KIF13A: variants seen among roughly 807,000 people sequenced by gnomAD.
KIF13A encodes kinesin-like protein KIF13A.
In KIF13A, 79 loss-of-function variants were observed where a neutral mutation model predicts 212.2. The observed-to-expected ratio is 0.37, with a 90% CI of 0.31 to 0.45. The LOEUF is 0.45. Ranked by LOEUF, KIF13A falls within the 20% of genes least tolerant of loss-of-function variation. The pLI, the probability that KIF13A is intolerant of heterozygous loss-of-function variation, is 1.00. For missense variants in KIF13A, 1,901 were observed against 2,209.0 expected (o/e 0.86, Z 2.79); for synonymous variants, 789 against 808.6 (o/e 0.98, Z 0.41).
intron 2 of KIF13A, among the ~76,000 whole-genome samples, chr6:17,908,351 G>C (rs1324771765): frequency 6.6e-6 from 1 of 152,172 alleles, no homozygotes; most frequent in East Asian, 1.9e-4. Flanking sequence ...TATAATACCA[G>C]CACTCTGGGA....
intron 4 of KIF13A, among the ~76,000 whole-genome samples, chr6:17,860,309 C>T (rs1380340628): frequency 6.6e-6 from 1 of 152,098 alleles, no homozygotes; most frequent in Non-Finnish European, 1.5e-5. Flanking sequence ...CTGCCTCAGC[C>T]TCCTAAGTAG....
chr6:17,852,022 A>G lies in KIF13A; in HGVS notation c.515T>C (p.Val172Ala), dbSNP rs1276991766. 1 of 1,544,554 alleles carries G rather than the reference A, an allele frequency of 6.5e-7. No homozygotes were observed. Among genetic ancestry groups the G allele is most frequent in the Non-Finnish European group, 8.7e-7 (1 of 1,146,664 alleles). ...TGGTCCCAAAACTTTATGTTCTCGA[A>G]CTTTAAGAGACTGTCTACTCCTGCG... ...DPKGSRQSLKVREHKVLGPYV... is the reference protein window; with the variant it reads ...DPKGSRQSLKAREHKVLGPYV... Residue 172 changes from valine to alanine, a missense_variant, in exon 7 of 39, where the codon GTT (valine) becomes GCT (alanine). Val to Ala is a moderately conservative substitution (Grantham distance 64). Coordinates refer to ENST00000259711, the MANE Select transcript of KIF13A (RefSeq NM_022113.6).
At chr6:17,790,771 C>A (rs1761464908) in intron 25 of KIF13A, among the ~76,000 whole-genome samples, 1 of 152,184 alleles carries the variant, frequency 6.6e-6, no homozygotes, top group Admixed American at 6.5e-5. Context: ...AGGCTATATA[C>A]ATACAAGGGT....
At position 17,967,660 on chromosome 6, in the gene KIF13A, C is replaced by T. The variant is rs1162763184; in HGVS notation, c.146+19394G>A. 1.3e-5 allele frequency among the ~76,000 whole-genome samples: 2 copies of T among 152,124 alleles called. No homozygotes were observed. The highest frequency in any genetic ancestry group is 4.8e-5 in the African/African-American group (2 of 41,424). The stretch of plus-strand genomic sequence containing the variant: ...CAACAACTTTGTATAAGCTGCTCCC[C>T]ATCTTTTACTCTCCAAAGGAAAGAC... On this transcript the variant is annotated intron_variant, in intron 2 of 38. Coordinates refer to ENST00000259711, the MANE Select transcript of KIF13A (RefSeq NM_022113.6). The surrounding 1 kb of genome is among the most constrained non-coding windows in gnomAD (Gnocchi z 4.1).
rs1411891068 is a variant in KIF13A at position 17,934,718 on chromosome 6, G to A, written c.147-36538C>T. 6.6e-6 allele frequency among the ~76,000 whole-genome samples: 1 copy of A among 151,668 alleles called. No homozygotes were observed. Among genetic ancestry groups the A allele is most frequent in the Non-Finnish European group, 1.5e-5 (1 of 67,954 alleles). On this transcript the variant is annotated intron_variant, in intron 2 of 38. Coordinates refer to ENST00000259711, the MANE Select transcript of KIF13A (RefSeq NM_022113.6). The surrounding 1 kb of genome is among the most constrained non-coding windows in gnomAD (Gnocchi z 5.4). Reference sequence around the variant, plus strand: ...TGGGAGGATCGCTTGAGCCCAGGAGGTAGAGGCTGTGGTGAGCCATGACTG... The same window carrying A: ...TGGGAGGATCGCTTGAGCCCAGGAGATAGAGGCTGTGGTGAGCCATGACTG...
At position 17,971,298 on chromosome 6, in the gene KIF13A, T is replaced by C. The variant is rs1057265198; in HGVS notation, c.146+15756A>G. ...AATTTCCAGGAAAAGAGATAATTAA[T>C]GTGATCACTTCACAAAATTAAATGT... is the stretch of plus-strand genomic sequence containing the variant. On this transcript the variant is annotated intron_variant, in intron 2 of 38. Transcript: ENST00000259711. The surrounding 1 kb of genome is among the most constrained non-coding windows in gnomAD (Gnocchi z 4.2). 9.2e-5 allele frequency among the ~76,000 whole-genome samples: 14 copies of C among 152,218 alleles called. No homozygotes were observed. Among genetic ancestry groups the C allele is most frequent in the Non-Finnish European group, 1.6e-4 (11 of 68,032 alleles).
Position 17,855,888 on chromosome 6 carries a change from T to C in KIF13A, c.313+142A>G. 2 of 659,032 alleles carry C rather than the reference T, an allele frequency of 3.0e-6. No homozygotes were observed. The highest frequency in any genetic ancestry group is 5.3e-6 in the Non-Finnish European group (2 of 376,936). The allele number at this position is 659,032 out of a possible 1,614,324, so 40.8% of individuals were successfully genotyped here. ...CACCACGCTGGGCTAATGTTTTTAG[T>C]TTTTATAAAGACGGGTCTTACTATG... On this transcript the variant is annotated intron_variant, in intron 5 of 38. Transcript: ENST00000259711. The surrounding 1 kb of genome is among the most constrained non-coding windows in gnomAD (Gnocchi z 4.1).
chr6:17,812,513 G>A (rs1361735639), intron 17 of KIF13A: 1 of 152,136 alleles, frequency 6.6e-6, no homozygotes, highest in Non-Finnish European at 1.5e-5. Context: ...ACACGATCTT[G>A]TTGTTTTTCA....
chr6:17,853,796 T>G (rs911077472), intron 6 of KIF13A, among the ~76,000 whole-genome samples: 1 of 152,290 alleles, frequency 6.6e-6, no homozygotes, highest in Admixed American at 6.5e-5. Flanking sequence ...AGGAAGAGAA[T>G]GCTAAACACA....
At position 17,781,224 on chromosome 6, in the gene KIF13A, C is replaced by A. The variant is rs988950601; in HGVS notation, c.3622G>T (p.Gly1208Cys). 6.2e-7 allele frequency: 1 copy of A among 1,613,890 alleles called. No individual in the cohort carries two copies. ...GVNSILPKEH[G>C]SQFFYLPIIK... ...ATGGGCAGGTAGAAAAACTGGCTGCCATGCTCCTTGGGCAGGATGGAGTTC... is the reference window on the plus strand; with the variant it reads ...ATGGGCAGGTAGAAAAACTGGCTGCAATGCTCCTTGGGCAGGATGGAGTTC... The change falls in exon 30 of 39, where the codon GGC (glycine) becomes TGC (cysteine). Residue 1208 changes from glycine to cysteine, a missense_variant. This residue lies in a region of KIF13A where 687 missense variants were observed against 759.1 expected (regional missense o/e 0.90). Coordinates refer to ENST00000259711, the MANE Select transcript of KIF13A (RefSeq NM_022113.6).
At chr6:17,949,019 T>G (rs1777648389) in intron 2 of KIF13A, among the ~76,000 whole-genome samples, 2 of 152,146 alleles carry the variant, frequency 1.3e-5, no homozygotes, top group Admixed American at 1.3e-4. Context: ...ATATTCAATA[T>G]GAATACACAT....
chr6:17,782,123 G>T (rs1336874595), intron 29 of KIF13A, among the ~76,000 whole-genome samples: 1 of 151,540 alleles, frequency 6.6e-6, no homozygotes, highest in Non-Finnish European at 1.5e-5. Context: ...TTTTAGTACA[G>T]ACGGGGTTTC....
At chr6:17,955,388 G>C (rs1300498686) in intron 2 of KIF13A, among the ~76,000 whole-genome samples, 1 of 152,144 alleles carries the variant, frequency 6.6e-6, no homozygotes, top group Non-Finnish European at 1.5e-5. Context: ...TTTGTGAAGT[G>C]CTCCCTTGAG....
chr6:17,804,598 A>T (rs1762770272), intron 19 of KIF13A, 88 bp from the exon 20 acceptor site: 2 of 1,221,178 alleles, frequency 1.6e-6, no homozygotes, highest in Non-Finnish European at 2.2e-6. Flanking sequence ...ATTTGAAAAA[A>T]AATTTAAAGA....
In KIF13A at chr6:17,764,819, A is replaced by T; in HGVS notation, c.4709T>A (p.Phe1570Tyr). 6.2e-7 allele frequency: 1 copy of T among 1,613,620 alleles called. No homozygotes were observed. Among genetic ancestry groups the T allele is most frequent in the East Asian group, 2.2e-5 (1 of 44,886 alleles). The change falls in exon 39 of 39, where the codon TTT becomes TAT. Residue 1570 changes from phenylalanine (F) to tyrosine (Y), a missense_variant. Physicochemically the swap from Phe to Tyr is conservative, Grantham distance 22. This residue lies in a region of KIF13A where 687 missense variants were observed against 759.1 expected (regional missense o/e 0.90). Transcript: ENST00000259711. The surrounding 1 kb of genome is among the most constrained non-coding windows in gnomAD (Gnocchi z 5.1). ...YNASLENREW[F>Y]SSKVDLSNSR... Reference sequence around the variant, plus strand: ...GTTTGACAGATCTACTTTAGAGGAAAACCATTCCCTGTTCTCCAAGCTGGC... The same window carrying T: ...GTTTGACAGATCTACTTTAGAGGAATACCATTCCCTGTTCTCCAAGCTGGC...
chr6:17,762,642 G>T (rs755074351), downstream of KIF13A, among the ~76,000 whole-genome samples: 2 of 152,180 alleles, frequency 1.3e-5, no homozygotes, highest in Admixed American at 6.5e-5. Context: ...CCTTCTTGAC[G>T]AACAAGGGTT....
In KIF13A at chr6:17,775,004, T is replaced by C. The variant is rs557099674; in HGVS notation, c.4218+11A>G. On this transcript the variant is annotated intron_variant, in intron 35 of 38. Transcript: ENST00000259711. ...TCTACTAAAAACCTAGCCATGCCCA[T>C]AGGTGCATACCTTGTCATCTTCATC... The C allele has an allele frequency of 5.0e-6, 8 of 1,606,458 alleles. No individual in the cohort carries two copies. The South Asian group carries it at 7.8e-5, about 16-fold the overall frequency.
chr6:17,781,278 G>T lies in KIF13A; in HGVS notation c.3568C>A (p.Gln1190Lys). The change falls in exon 30 of 39, where the codon CAG (glutamine) becomes AAG (lysine). Residue 1190 changes from glutamine (Q) to lysine (K), a missense_variant. Transcript: ENST00000259711. ...CCGGATGCATGGGGGCCAACAAGCT[G>T]CTCATTGGCACTGAGGTCATCCGCT... ...LNADDLSANE[Q>K]LVGPHASGVN... is the part of the protein sequence containing the mutation. 1 of 1,612,230 alleles carries T rather than the reference G, an allele frequency of 6.2e-7. No homozygotes were observed. The highest frequency in any genetic ancestry group is 8.5e-7 in the Non-Finnish European group (1 of 1,179,196).
At position 17,987,539 on chromosome 6, in the gene KIF13A, C is replaced by T; in HGVS notation, c.-76G>A. The stretch of plus-strand genomic sequence containing the variant: ...CCCCTCACGCGCGGCGCCGCCGCCG[C>T]TGCAGCCGCGCGCCCCTCGAGCGCG... On this transcript the variant is annotated 5_prime_UTR_variant, in exon 1 of 39. Transcript: ENST00000259711. The surrounding 1 kb of genome is among the most constrained non-coding windows in gnomAD (Gnocchi z 7.7). The T allele has an allele frequency of 1.2e-6, 1 of 807,964 alleles. No individual in the cohort carries two copies. Among genetic ancestry groups the T allele is most frequent in the Non-Finnish European group, 1.5e-6 (1 of 657,302 alleles). The allele number at this position is 807,964 out of a possible 1,614,324, so 50.0% of individuals were successfully genotyped here.
Sources: gnomAD v4.1 joint callset for allele counts (sites outside exome capture counted in the v4.1 genomes callset) on GRCh38, gnomAD v4.1.1 for gene constraint, gnomAD v4.1.1 regional missense constraint, Gnocchi (gnomAD v3.1) non-coding constraint, MANE v1.5 for transcripts, NCBI Gene and HGNC (gene_info 2026-07-23, HGNC 2026-07-21) for gene names.